SERINC5: variants seen among roughly 807,000 people sequenced by gnomAD.
SERINC5 encodes the protein chromosome 5 open reading frame 12.
SERINC5 carries 41 observed loss-of-function variants against 63.1 expected under a neutral mutation model. The observed-to-expected ratio is 0.65, with a 90% CI of 0.51 to 0.84. The LOEUF (loss-of-function observed/expected upper bound fraction) is 0.84. SERINC5 is among the 40% of genes least tolerant of loss of function. The pLI, the probability that SERINC5 is intolerant of heterozygous loss-of-function variation, is 0.00. For synonymous variants in SERINC5, 222 were observed against 215.2 expected (o/e 1.03, Z -0.28); for missense variants, 523 against 573.0 (o/e 0.91, Z 0.89).
intron 3 of SERINC5, 68 bp from the exon 4 acceptor site, chr5:80,177,465 T>C (rs1748111884): frequency 8.9e-6 from 11 of 1,229,854 alleles, no homozygotes; most frequent in Admixed American, 1.8e-5. Flanking sequence ...AAGGACCTCG[T>C]AGAAGGTACA....
At chr5:80,251,285 TACATGCATAC>T (rs1295018135) in intron 1 of SERINC5, among the ~76,000 whole-genome samples, 2 of 37,426 alleles carry the variant, frequency 5.3e-5, no homozygotes, top group Non-Finnish European at 8.6e-5. Context: ...TTTAAATACA[TACATGCATAC>T]ATACATACAT....
intron 1 of SERINC5, among the ~76,000 whole-genome samples, chr5:80,228,857 TATAA>T (rs1429698229): frequency 1.3e-5 from 2 of 152,188 alleles, no homozygotes; most frequent in Admixed American, 6.5e-5. Context: ...CACACTCTAA[TATAA>T]ATAAAAAGAT....
intron 11 of SERINC5, among the ~76,000 whole-genome samples, chr5:80,133,129 G>A (rs113040240): frequency 0.017 from 2,559 of 152,220 alleles, 79 homozygotes; most frequent in African/African-American, 0.057. Context: ...GCCATGTGAC[G>A]TGCCTGCTCG....
intron 1 of SERINC5, among the ~76,000 whole-genome samples, chr5:80,237,101 A>C (rs557592493): frequency 6.6e-6 from 1 of 152,142 alleles, no homozygotes; most frequent in African/African-American, 2.4e-5. Context: ...TGCTGGGATT[A>C]CAGGCATGAG....
At chr5:80,178,211 A>G (rs900467291) in intron 2 of SERINC5, 147 bp from the exon 3 acceptor site, 183 of 506,252 alleles carry the variant, frequency 3.6e-4, no homozygotes, top group South Asian at 6.4e-4. Flanking sequence ...TTCTAAAGAG[A>G]TATTTTTCTA....
intron 8 of SERINC5, among the ~76,000 whole-genome samples, chr5:80,151,372 A>G (rs149824188): frequency 2.2e-3 from 341 of 152,380 alleles, no homozygotes; most frequent in African/African-American, 7.8e-3. Context: ...CAAAAGTCGC[A>G]GTTATTTACT....
chr5:80,150,295 C>G (rs1380524004), intron 9 of SERINC5, among the ~76,000 whole-genome samples: 3 of 152,096 alleles, frequency 2.0e-5, no homozygotes, highest in Non-Finnish European at 2.9e-5. Context: ...TGCAGCCTGA[C>G]AAGGTTACCT....
chr5:80,238,409 T>A (rs187142039), intron 1 of SERINC5, among the ~76,000 whole-genome samples: 109 of 152,260 alleles, frequency 7.2e-4, no homozygotes, highest in African/African-American at 2.5e-3. Context: ...GGAAAATAAC[T>A]TAAACAACTG....
At position 80,202,993 on chromosome 5, in the gene SERINC5, G is replaced by A. The variant is rs752692983; in HGVS notation, c.88C>T (p.Arg30Trp). ...ATGAAGCGGGTGCTGAGGGACTGCC[G>A]AATCCTGGGGCAGCAATCACAGCAG... ...SLCCDCCPRI[R>W]QSLSTRFMYA... Residue 30 changes from arginine (R) to tryptophan (W), a missense_variant, in exon 2 of 12, where the codon CGG (arginine) becomes TGG (tryptophan). By Grantham distance (101) the Arg-to-Trp change is moderately radical. Transcript: ENST00000507668. 5.6e-6 allele frequency: 9 copies of A among 1,613,088 alleles called. No individual in the cohort carries two copies. The East Asian group carries it at 1.1e-4, about 20-fold the overall frequency.
intron 1 of SERINC5, among the ~76,000 whole-genome samples, chr5:80,226,151 C>T (rs769176735): frequency 3.3e-5 from 5 of 152,148 alleles, no homozygotes; most frequent in Non-Finnish European, 7.3e-5. Flanking sequence ...CTCCAACTCC[C>T]ACTTCAAGCG....
At chr5:80,181,336 T>C (rs1748404476) in intron 2 of SERINC5, among the ~76,000 whole-genome samples, 1 of 152,070 alleles carries the variant, frequency 6.6e-6, no homozygotes, top group Non-Finnish European at 1.5e-5. Flanking sequence ...AACCGTCGCC[T>C]CCAGGGCTCA....
intron 1 of SERINC5, among the ~76,000 whole-genome samples, chr5:80,242,387 G>A (rs1751979107): frequency 6.6e-6 from 1 of 152,210 alleles, no homozygotes; most frequent in South Asian, 2.1e-4. Context: ...GGAGGCCAAG[G>A]TGGGTGGATC....
intron 2 of SERINC5, among the ~76,000 whole-genome samples, chr5:80,186,026 AAC>A (rs1353106160): frequency 1.3e-5 from 2 of 149,078 alleles, no homozygotes; most frequent in Non-Finnish European, 3.0e-5. Context: ...TTCCGATTTA[AAC>A]ATGGTGGGAA....
intron 8 of SERINC5, among the ~76,000 whole-genome samples, chr5:80,155,465 C>T (rs1746458376): frequency 6.6e-6 from 1 of 151,804 alleles, no homozygotes; most frequent in Non-Finnish European, 1.5e-5. Flanking sequence ...CCCAGCTCCT[C>T]AGGAGGCTGA....
intron 1 of SERINC5, among the ~76,000 whole-genome samples, chr5:80,233,732 CTTAAG>C (rs976225600): frequency 1.2e-4 from 18 of 148,142 alleles, no homozygotes; most frequent in African/African-American, 4.2e-4. Context: ...TCATATGTTT[CTTAAG>C]TTATTAGTCT....
intron 1 of SERINC5, among the ~76,000 whole-genome samples, chr5:80,203,674 T>C (rs1056258242): frequency 3.8e-4 from 58 of 152,256 alleles, no homozygotes; most frequent in African/African-American, 1.2e-3. Flanking sequence ...CATATATATA[T>C]ACAAAAATTT....
chr5:80,146,290 C>G, intron 10 of SERINC5, 56 bp from the exon 11 acceptor site: 6 of 1,596,238 alleles, frequency 3.8e-6, no homozygotes, highest in Non-Finnish European at 5.1e-6. Flanking sequence ...GTTTACCATT[C>G]AGCAAAGTCA....
intron 7 of SERINC5, among the ~76,000 whole-genome samples, chr5:80,162,842 T>C (rs1164148368): frequency 6.8e-6 from 1 of 147,308 alleles, no homozygotes. Flanking sequence ...GAAACACTAC[T>C]GACTTTTTTT....
intron 1 of SERINC5, among the ~76,000 whole-genome samples, chr5:80,253,307 A>C (rs550635545): frequency 1.2e-4 from 18 of 152,278 alleles, no homozygotes; most frequent in African/African-American, 4.3e-4. Flanking sequence ...CTCCATCAGG[A>C]AAGGATTTTT....
Sources: gnomAD v4.1 joint callset for allele counts (sites outside exome capture counted in the v4.1 genomes callset) on GRCh38, gnomAD v4.1.1 for gene constraint, MANE v1.5 for transcripts, NCBI Gene and HGNC (gene_info 2026-07-23, HGNC 2026-07-21) for gene names.